ERBB4: variants seen among roughly 807,000 people sequenced by gnomAD.
The protein encoded by ERBB4 is erb-b2 receptor tyrosine kinase 4.
A neutral mutation model predicts 158.0 loss-of-function variants in ERBB4; 42 were observed. That is an observed-to-expected ratio of 0.27 (90% CI 0.21 to 0.34). ERBB4 has a LOEUF of 0.34. Among genes scored for constraint, ERBB4 ranks in the 10% least tolerant of loss-of-function variants. ERBB4 has a pLI of 1.00. For missense variants in ERBB4, 1,333 were observed against 1,624.1 expected (o/e 0.82, Z 3.08); for synonymous variants, 583 against 558.7 (o/e 1.04, Z -0.61).
intron 20 of ERBB4, among the ~76,000 whole-genome samples, chr2:211,527,314 AC>A (rs2066375673): frequency 6.6e-6 from 1 of 152,102 alleles, no homozygotes; most frequent in South Asian, 2.1e-4. Context: ...CTGGAAAAAA[AC>A]CCCAACTTTT....
chr2:211,701,488 G>A (rs887913603), intron 12 of ERBB4, among the ~76,000 whole-genome samples: 1 of 152,110 alleles, frequency 6.6e-6, no homozygotes, highest in African/African-American at 2.4e-5. Context: ...CGGGCGCGGT[G>A]GCTCATGCCT....
At chr2:211,922,230 G>A (rs565722341) in intron 3 of ERBB4, among the ~76,000 whole-genome samples, 5 of 152,170 alleles carry the variant, frequency 3.3e-5, no homozygotes, top group Admixed American at 6.5e-5. Context: ...AATGCAAATG[G>A]AGAACTGAAA....
intron 1 of ERBB4, chr2:212,426,508 A>C (rs370231189): frequency 1.2e-5 from 3 of 258,182 alleles, no homozygotes; most frequent in Non-Finnish European, 1.5e-5. Flanking sequence ...CAATCTCTTT[A>C]TCTCTACCAC....
At chr2:211,764,835 A>G (rs1488592898) in intron 4 of ERBB4, among the ~76,000 whole-genome samples, 4 of 152,206 alleles carry the variant, frequency 2.6e-5, no homozygotes, top group African/African-American at 4.8e-5. Flanking sequence ...GGATTAATAC[A>G]AATGCTCAGA....
intron 20 of ERBB4, among the ~76,000 whole-genome samples, chr2:211,485,923 C>A (rs886824801): frequency 6.6e-6 from 1 of 151,722 alleles, no homozygotes; most frequent in Admixed American, 6.6e-5. Context: ...GATTGATTTA[C>A]GGACCTTTGC....
At chr2:211,396,310 G>A (rs1482816845) in intron 25 of ERBB4, among the ~76,000 whole-genome samples, 1 of 151,926 alleles carries the variant, frequency 6.6e-6, no homozygotes, top group Non-Finnish European at 1.5e-5. Flanking sequence ...CATTTGTGGG[G>A]CAGCTTTTGT....
At chr2:212,216,383 A>G (rs2083100696) in intron 1 of ERBB4, among the ~76,000 whole-genome samples, 1 of 151,350 alleles carries the variant, frequency 6.6e-6, no homozygotes, top group Non-Finnish European at 1.5e-5. Flanking sequence ...TCATGGCAAC[A>G]TTTTAACTAT....
intron 1 of ERBB4, among the ~76,000 whole-genome samples, chr2:212,200,206 G>A (rs915203744): frequency 2.1e-4 from 32 of 151,870 alleles, no homozygotes; most frequent in African/African-American, 7.7e-4. Context: ...TCTACTTTGA[G>A]GAATGACCCT....
chr2:211,380,559 A>G lies in ERBB4; in HGVS notation c.*3056T>C, dbSNP rs12475523. ...ACATTTTAAAATTCTACCCTACTGG[A>G]CTAAATAAGTTATTCTCTGGAAGGA... is the stretch of plus-strand genomic sequence containing the variant. On this transcript the variant is annotated 3_prime_UTR_variant, in exon 28 of 28. Transcript: ENST00000342788. 140,818 of 231,676 alleles carry G rather than the reference A, an allele frequency of 0.61. 43,840 individuals carry two copies. The highest frequency in any genetic ancestry group is 0.77 in the East Asian group (12,554 of 16,378). The allele number at this position is 231,676 out of a possible 1,614,324, so 14.4% of individuals were successfully genotyped here.
At chr2:211,543,022 G>C (rs2066853637) in intron 20 of ERBB4, among the ~76,000 whole-genome samples, 2 of 151,894 alleles carry the variant, frequency 1.3e-5, no homozygotes, top group African/African-American at 4.8e-5. Context: ...TCCTGCCTGT[G>C]TTATATGTGT....
chr2:212,350,038 A>G (rs2089184810), intron 1 of ERBB4, among the ~76,000 whole-genome samples: 1 of 152,152 alleles, frequency 6.6e-6, no homozygotes, highest in Non-Finnish European at 1.5e-5. Flanking sequence ...GGAATTTTAA[A>G]ATCAATGCTT....
intron 19 of ERBB4, among the ~76,000 whole-genome samples, chr2:211,594,120 T>TAAC (rs890493199): frequency 1.1e-4 from 17 of 151,980 alleles, no homozygotes; most frequent in Admixed American, 5.9e-4. Flanking sequence ...ACCCAACCGA[T>TAAC]AACAACAACA....
chr2:212,209,507 G>T (rs1484507723), intron 1 of ERBB4, among the ~76,000 whole-genome samples: 2 of 152,032 alleles, frequency 1.3e-5, no homozygotes, highest in African/African-American at 4.8e-5. Flanking sequence ...TCTCAGTGAT[G>T]CACCAGAGAC....
At chr2:212,341,271 A>G (rs1158449971) in intron 1 of ERBB4, among the ~76,000 whole-genome samples, 1 of 151,952 alleles carries the variant, frequency 6.6e-6, no homozygotes, top group Non-Finnish European at 1.5e-5. Flanking sequence ...AGATGGTACT[A>G]AGTATTATCT....
intron 1 of ERBB4, among the ~76,000 whole-genome samples, chr2:212,538,011 C>T (rs1451695563): frequency 6.6e-6 from 1 of 152,152 alleles, no homozygotes. Context: ...CACCGCCCTT[C>T]GGGCTCGGCT....
intron 2 of ERBB4, among the ~76,000 whole-genome samples, chr2:211,994,736 C>G (rs1423792416): frequency 6.6e-6 from 1 of 152,090 alleles, no homozygotes; most frequent in Admixed American, 6.5e-5. Context: ...ACTCAAAGCA[C>G]AGTCCAAAGA....
intron 2 of ERBB4, among the ~76,000 whole-genome samples, chr2:212,019,807 G>GTTGCTTT (rs2076609716): frequency 6.7e-6 from 1 of 149,270 alleles, no homozygotes; most frequent in Non-Finnish European, 1.5e-5. Flanking sequence ...AAGAAAGAAT[G>GTTGCTTT]GAAGGAAGGA....
intron 1 of ERBB4, among the ~76,000 whole-genome samples, chr2:212,453,362 C>T (rs1688103199): frequency 6.6e-6 from 1 of 152,126 alleles, no homozygotes. Context: ...CTCCTTCTGC[C>T]TTCAAAAATG....
chr2:212,196,390 T>C (rs2082427772), intron 1 of ERBB4, among the ~76,000 whole-genome samples: 1 of 151,944 alleles, frequency 6.6e-6, no homozygotes, highest in Non-Finnish European at 1.5e-5. Context: ...ACAGGAAGCA[T>C]TGGTCTTGCC....
Sources: gnomAD v4.1 joint callset for allele counts (sites outside exome capture counted in the v4.1 genomes callset) on GRCh38, gnomAD v4.1.1 for gene constraint, MANE v1.5 for transcripts, NCBI Gene and HGNC (gene_info 2026-07-23, HGNC 2026-07-21) for gene names.